The following MAST4 variants were observed in gnomAD, a reference collection of about 807,000 sequenced individuals.
MAST4 encodes the protein microtubule-associated serine/threonine-protein kinase 4.
A neutral mutation model predicts 162.7 loss-of-function variants in MAST4; 89 were observed. The observed-to-expected ratio is 0.55, with a 90% CI of 0.46 to 0.65. MAST4 has a LOEUF of 0.65. Among genes scored for constraint, MAST4 ranks in the 30% least tolerant of loss-of-function variants. The pLI, the probability that MAST4 is intolerant of heterozygous loss-of-function variation, is 0.00. For missense variants in MAST4, 3,153 were observed against 3,374.0 expected (o/e 0.93, Z 1.62); for synonymous variants, 1,479 against 1,361.1 (o/e 1.09, Z -1.91).
intron 19 of MAST4, among the ~76,000 whole-genome samples, chr5:67,138,445 T>C (rs1185915004): frequency 1.3e-5 from 2 of 152,106 alleles, no homozygotes; most frequent in Non-Finnish European, 2.9e-5. Context: ...GTTTGTTTGT[T>C]TGTTTAGAGA....
At chr5:66,952,017 T>C (rs924408111) in intron 4 of MAST4, among the ~76,000 whole-genome samples, 1 of 152,134 alleles carries the variant, frequency 6.6e-6, no homozygotes, top group African/African-American at 2.4e-5. Context: ...CTTTCTTTGA[T>C]CTCATGCATT....
intron 14 of MAST4, among the ~76,000 whole-genome samples, chr5:67,122,055 C>G (rs1254240808): frequency 6.6e-6 from 1 of 152,080 alleles, no homozygotes; most frequent in Non-Finnish European, 1.5e-5. Flanking sequence ...ACATAATTTT[C>G]TCCTTGTGGC....
At chr5:67,078,917 T>TATATATATAAATAA (rs1561622033) in intron 5 of MAST4, among the ~76,000 whole-genome samples, 3 of 55,108 alleles carry the variant, frequency 5.4e-5, no homozygotes, top group African/African-American at 3.2e-4. Context: ...TATAAATATA[T>TATATATATAAATAA]ATATATATAT....
chr5:66,834,031 T>C (rs1433430090), intron 3 of MAST4, among the ~76,000 whole-genome samples: 1 of 152,220 alleles, frequency 6.6e-6, no homozygotes, highest in Admixed American at 6.5e-5. Context: ...TGGCACATTG[T>C]ACTTAGTTAA....
At chr5:66,743,178 TTTC>T (rs1411397160) in intron 1 of MAST4, among the ~76,000 whole-genome samples, 7 of 152,210 alleles carry the variant, frequency 4.6e-5, no homozygotes, top group African/African-American at 1.7e-4. Context: ...CATCTCCTGC[TTTC>T]TTCTTCTTCA....
intron 3 of MAST4, among the ~76,000 whole-genome samples, chr5:66,794,546 C>T (rs1160323996): frequency 6.6e-6 from 1 of 152,212 alleles, no homozygotes; most frequent in Non-Finnish European, 1.5e-5. Context: ...AAAACAAGCA[C>T]TTTTCCCTTA....
rs755933170 is a variant in MAST4 at position 67,160,605 on chromosome 5, A to T, written c.3785+13A>T. 1.2e-6 allele frequency: 2 copies of T among 1,611,938 alleles called. No individual in the cohort carries two copies. Among genetic ancestry groups the T allele is most frequent in the Non-Finnish European group, 1.7e-6 (2 of 1,179,224 alleles). On this transcript the variant is annotated intron_variant, in intron 27 of 28. Coordinates refer to ENST00000403625, the MANE Select transcript of MAST4 (RefSeq NM_001164664.2). ...AAAGTCTCGAAAGGTTAGTAAAATCAGTATTCTTTTTAAGTTTGGTGTATA... is the reference window on the plus strand; with the variant it reads ...AAAGTCTCGAAAGGTTAGTAAAATCTGTATTCTTTTTAAGTTTGGTGTATA...
chr5:67,027,444 C>T (rs1300332258), intron 4 of MAST4, among the ~76,000 whole-genome samples: 3 of 152,102 alleles, frequency 2.0e-5, no homozygotes, highest in Non-Finnish European at 4.4e-5. Context: ...AATGATACCT[C>T]CTGGTACAAC....
intron 1 of MAST4, among the ~76,000 whole-genome samples, chr5:66,725,314 T>A (rs938005523): frequency 4.4e-4 from 67 of 152,288 alleles, no homozygotes; most frequent in African/African-American, 1.6e-3. Flanking sequence ...ACATGCATAG[T>A]TTATCCTTCT....
At chr5:67,057,728 C>A (rs1249919818) in intron 5 of MAST4, among the ~76,000 whole-genome samples, 3 of 150,812 alleles carry the variant, frequency 2.0e-5, no homozygotes, top group Non-Finnish European at 2.9e-5. Context: ...ACCTCTCTTA[C>A]AATGAAAATT....
intron 5 of MAST4, 53 bp from the exon 6 acceptor site, chr5:67,090,109 G>A: frequency 8.3e-7 from 1 of 1,211,308 alleles, no homozygotes; most frequent in Non-Finnish European, 1.2e-6. Context: ...TTATTGATGT[G>A]GAAATGATAC....
intron 1 of MAST4, among the ~76,000 whole-genome samples, chr5:66,695,373 T>C (rs1749333500): frequency 1.3e-5 from 2 of 152,356 alleles, no homozygotes; most frequent in South Asian, 4.1e-4. Context: ...CATTGGTCTA[T>C]GTGTCTGTTT....
chr5:67,115,292 C>T (rs748293995), intron 12 of MAST4, among the ~76,000 whole-genome samples: 8 of 152,116 alleles, frequency 5.3e-5, no homozygotes, highest in Non-Finnish European at 1.0e-4. Flanking sequence ...ATTGTCTTCT[C>T]GGTTCATTAA....
At position 67,167,206 on chromosome 5, in the gene MAST4, T is replaced by C. The variant is rs1302519320; in HGVS notation, c.*155T>C. ...GAGAGAGAAAGACAAAGAGGGGACC[T>C]TCTTCCAGATGCCTTCCCAGTTGTA... On this transcript the variant is annotated 3_prime_UTR_variant, in exon 29 of 29. Coordinates refer to ENST00000403625, the MANE Select transcript of MAST4 (RefSeq NM_001164664.2). 9 of 380,014 alleles carry C rather than the reference T, an allele frequency of 2.4e-5. No homozygotes were observed. Among genetic ancestry groups the C allele is most frequent in the South Asian group, 8.9e-5 (1 of 11,186 alleles). 23.5% of individuals were successfully genotyped at this position (380,014 alleles called of 1,614,324 possible).
intron 3 of MAST4, among the ~76,000 whole-genome samples, chr5:66,894,159 A>G (rs1362822543): frequency 1.3e-5 from 2 of 152,238 alleles, no homozygotes; most frequent in African/African-American, 4.8e-5. Flanking sequence ...TAAAGAGGAA[A>G]ACAATCCAAA....
intron 4 of MAST4, chr5:66,931,044 C>A: frequency 5.3e-6 from 1 of 188,424 alleles, no homozygotes; most frequent in South Asian, 9.7e-5. Context: ...TCTTGGAGGA[C>A]CAAATTTAGG....
At chr5:66,670,635 G>A (rs916239250) in intron 1 of MAST4, among the ~76,000 whole-genome samples, 8 of 152,034 alleles carry the variant, frequency 5.3e-5, no homozygotes, top group African/African-American at 1.4e-4. Flanking sequence ...TGAGGATGCC[G>A]GGCAGTGTAT....
chr5:66,789,820 G>T, intron 3 of MAST4: 2 of 507,330 alleles, frequency 3.9e-6, no homozygotes, highest in Non-Finnish European at 3.9e-6. Context: ...TTTTCCCCAA[G>T]AATCCATTGA....
chr5:66,679,256 C>T (rs1426308823), intron 1 of MAST4, among the ~76,000 whole-genome samples: 3 of 152,158 alleles, frequency 2.0e-5, no homozygotes, highest in Non-Finnish European at 4.4e-5. Flanking sequence ...GGGATTAAAG[C>T]CCTAGTGGGG....
Sources: allele counts gnomAD v4.1 joint callset (sites outside exome capture counted in the v4.1 genomes callset), GRCh38; gene constraint gnomAD v4.1.1; transcripts MANE v1.5; gene names NCBI Gene and HGNC (gene_info 2026-07-23, HGNC 2026-07-21).